The following KNTC1 variants were observed in gnomAD, a reference collection of about 807,000 sequenced individuals.
The protein encoded by KNTC1 is kinetochore-associated protein 1.
KNTC1 carries 253 observed loss-of-function variants against 314.4 expected under a neutral mutation model. The ratio of observed to expected loss-of-function variants is 0.80; its 90% CI spans 0.73 to 0.89. The LOEUF (loss-of-function observed/expected upper bound fraction) is 0.89. KNTC1 is among the 40% of genes least tolerant of loss of function. The pLI is 0.00. For missense variants in KNTC1, 2,475 were observed against 2,572.9 expected (o/e 0.96, Z 0.82); for synonymous variants, 901 against 901.4 (o/e 1.00, Z 0.01).
chr12:122,572,111 G>T (rs953172112), intron 24 of KNTC1, among the ~76,000 whole-genome samples: 4 of 152,210 alleles, frequency 2.6e-5, no homozygotes, highest in African/African-American at 9.6e-5. Flanking sequence ...TTAAATCTTG[G>T]CTGGGCACGA....
rs1289777821 is a variant in KNTC1, at chr12:122,571,216, T to G, written c.2019+90T>G. The G allele has an allele frequency of 1.5e-5, 13 of 886,966 alleles. No homozygotes were observed. The Admixed American group carries it at 3.7e-4, about 25-fold the overall frequency. The allele number at this position is 886,966 out of a possible 1,614,324, so 54.9% of individuals were successfully genotyped here. ...TGTATGTGAAGTATCTGGAAATATA[T>G]CTACTTCTTAAATTTTCTGTTTTTT... On this transcript the variant is annotated intron_variant, in intron 24 of 63. Coordinates refer to ENST00000333479, the MANE Select transcript of KNTC1 (RefSeq NM_014708.6).
intron 59 of KNTC1, among the ~76,000 whole-genome samples, chr12:122,618,929 C>T (rs534218518): frequency 8.7e-4 from 130 of 150,174 alleles, no homozygotes; most frequent in African/African-American, 2.8e-3. Context: ...GCATACGCCA[C>T]GCACCACCAC....
At chr12:122,558,907 A>G (rs1344839322) in intron 18 of KNTC1, among the ~76,000 whole-genome samples, 3 of 152,114 alleles carry the variant, frequency 2.0e-5, no homozygotes, top group African/African-American at 4.8e-5. Context: ...TGCCATTAAT[A>G]GTCATTCCCC....
chr12:122,552,359 AG>A (rs1963260932), intron 16 of KNTC1, among the ~76,000 whole-genome samples: 1 of 152,064 alleles, frequency 6.6e-6, no homozygotes, highest in Non-Finnish European at 1.5e-5. Flanking sequence ...TATGGGCAGC[AG>A]AGTAAAAGAA....
At chr12:122,619,646 T>G (rs976312744) in intron 59 of KNTC1, among the ~76,000 whole-genome samples, 3 of 151,770 alleles carry the variant, frequency 2.0e-5, no homozygotes, top group African/African-American at 7.3e-5. Context: ...TCTCCTGACC[T>G]CATGATCCAC....
Position 122,590,455 on chromosome 12 carries a change from G to A in KNTC1, c.4000-152G>A, listed in dbSNP as rs991893942. 5.9e-5 allele frequency among the ~76,000 whole-genome samples: 9 copies of A among 151,994 alleles called. No homozygotes were observed. In the East Asian group the frequency reaches 1.7e-3, roughly 29 times the overall value. Reference sequence around the variant, plus strand: ...CAATTTAGTGGTAAATAAACCTTGAGACACTGAATTCTGTTTTTTTTTCTT... The same window carrying A: ...CAATTTAGTGGTAAATAAACCTTGAAACACTGAATTCTGTTTTTTTTTCTT... On this transcript the variant is annotated intron_variant, in intron 40 of 63. Coordinates refer to ENST00000333479, the MANE Select transcript of KNTC1 (RefSeq NM_014708.6).
At chr12:122,550,237 C>T (rs1023306749) in intron 13 of KNTC1, among the ~76,000 whole-genome samples, 3 of 151,676 alleles carry the variant, frequency 2.0e-5, no homozygotes, top group Non-Finnish European at 4.4e-5. Context: ...TCTTTTTACA[C>T]ACACACTGTA....
In KNTC1 at chr12:122,573,196, C is replaced by G; in HGVS notation, c.2194C>G (p.Leu732Val). 1 of 1,613,898 alleles carries G rather than the reference C, an allele frequency of 6.2e-7. No individual in the cohort carries two copies. Among genetic ancestry groups the G allele is most frequent in the Non-Finnish European group, 8.5e-7 (1 of 1,179,846 alleles). The change falls in exon 26 of 64, where the codon CTT becomes GTT. Residue 732 changes from leucine (L) to valine (V), a missense_variant. By Grantham distance (32) the Leu-to-Val change is conservative. Coordinates refer to ENST00000333479, the MANE Select transcript of KNTC1 (RefSeq NM_014708.6). ...GTTTGATAAAGTGCTGGCCCCAGAG[C>G]TTATTCCCTCCATCTTAGAGAAGTT... The part of the protein sequence containing the change: ...RMFDKVLAPE[L>V]IPSILEKFIR...
intron 50 of KNTC1, 48 bp from the exon 51 acceptor site, chr12:122,605,258 A>G: frequency 7.9e-7 from 1 of 1,260,968 alleles, no homozygotes. Context: ...TATTCAATAT[A>G]AATATTTAAA....
In KNTC1 at chr12:122,585,788, G is replaced by C. The variant is rs1869189012; in HGVS notation, c.3673+14G>C. ...TGCCTCTAGCTGGTAAGTCTTATTT[G>C]TATCATTATTTTCTATGTGTTTCTG... is the stretch of plus-strand genomic sequence containing the variant. On this transcript the variant is annotated intron_variant, in intron 37 of 63. Transcript: ENST00000333479. 10 of 1,611,678 alleles carry C rather than the reference G, an allele frequency of 6.2e-6. No individual in the cohort carries two copies. The East Asian group carries it at 2.2e-4, about 36-fold the overall frequency.
At chr12:122,616,618 A>G (rs975288877) in intron 57 of KNTC1, among the ~76,000 whole-genome samples, 1 of 152,154 alleles carries the variant, frequency 6.6e-6, no homozygotes, top group Non-Finnish European at 1.5e-5. Context: ...CAGTGTATAT[A>G]TGCATTTTTG....
chr12:122,576,809 T>C, intron 29 of KNTC1, 86 bp from the exon 30 acceptor site: 1 of 1,063,640 alleles, frequency 9.4e-7, no homozygotes, highest in Non-Finnish European at 1.3e-6. Flanking sequence ...ATTTAAATTT[T>C]TTTGCCACTT....
chr12:122,602,524 G>C (rs776058271), intron 45 of KNTC1, 45 bp from the exon 46 acceptor site: 2 of 1,190,834 alleles, frequency 1.7e-6, no homozygotes, highest in Admixed American at 4.5e-5. Context: ...GACAGTTTAG[G>C]ATTGGGTTAC....
Position 122,539,744 on chromosome 12 carries a change from T to C in KNTC1, c.435T>C (p.Gly145=). Residue 145 remains glycine (G), a synonymous_variant, in exon 5 of 64, where the codon GGT becomes GGC. Coordinates refer to ENST00000333479, the MANE Select transcript of KNTC1 (RefSeq NM_014708.6). ...TYQNLVIEKD[G]SNEGTYYMLL... is the part of the protein sequence containing the mutation. Reference sequence around the variant, plus strand: ...AGAATCTTGTCATTGAGAAGGATGGTTCAAATGAAGGTAAGTTTTCCTGAA... The same window carrying C: ...AGAATCTTGTCATTGAGAAGGATGGCTCAAATGAAGGTAAGTTTTCCTGAA... 6.4e-7 allele frequency: 1 copy of C among 1,552,148 alleles called. No homozygotes were observed. Among genetic ancestry groups the C allele is most frequent in the Non-Finnish European group, 8.7e-7 (1 of 1,150,284 alleles).
In KNTC1 at chr12:122,582,956, GA is replaced by G; in HGVS notation, c.3236del (p.Asn1079ThrfsTer6). The G allele has an allele frequency of 6.2e-7, 1 of 1,612,268 alleles. No individual in the cohort carries two copies. The highest frequency in any genetic ancestry group is 8.5e-7 in the Non-Finnish European group (1 of 1,179,142). On this transcript the variant is annotated frameshift_variant, in exon 34 of 64. Transcript: ENST00000333479. LOFTEE classifies it high-confidence loss of function. ...TGACCTTGAGAGCCTTAAAAGATGG[GA>G]ACATCAAAACAGCACTGAAAAAATG... ...ELTLRALKDG[N>X]IKTALKKCSD...
intron 62 of KNTC1, among the ~76,000 whole-genome samples, chr12:122,623,453 C>T (rs1196070049): frequency 6.6e-6 from 1 of 152,160 alleles, no homozygotes. Context: ...ATTACCACTC[C>T]ATGGATTTCC....
rs1184448263 is a variant in KNTC1, at chr12:122,547,389, A to T, written c.817-26A>T. ...AAACTCTGTCTCAAAAAAAAAGGACATGTAAATGAAATGTCTCTATTGCAG... is the reference window on the plus strand; with the variant it reads ...AAACTCTGTCTCAAAAAAAAAGGACTTGTAAATGAAATGTCTCTATTGCAG... On this transcript the variant is annotated intron_variant, in intron 10 of 63. Coordinates refer to ENST00000333479, the MANE Select transcript of KNTC1 (RefSeq NM_014708.6). 2.8e-6 allele frequency: 4 copies of T among 1,421,616 alleles called. No individual in the cohort carries two copies. In the African/African-American group the frequency reaches 5.6e-5, roughly 20 times the overall value. 88.1% of individuals were successfully genotyped at this position (1,421,616 alleles called of 1,614,324 possible).
chr12:122,546,123 G>T (rs1962740867), intron 8 of KNTC1, 53 bp from the exon 9 acceptor site: 1 of 1,017,964 alleles, frequency 9.8e-7, no homozygotes, highest in Non-Finnish European at 1.6e-6. Context: ...TTTGAGGAAG[G>T]CTCAGGTCTA....
chr12:122,594,462 T>C lies in KNTC1; in HGVS notation c.4355+77T>C, dbSNP rs1006273962. On this transcript the variant is annotated intron_variant, in intron 43 of 63. Transcript: ENST00000333479. ...TTTTGCAAGAACACAGTAATAACGA[T>C]GATTATTTTATGAGGTCCATAGACC... 1.8e-5 allele frequency: 15 copies of C among 843,560 alleles called. No homozygotes were observed. In the African/African-American group the frequency reaches 2.4e-4, roughly 13 times the overall value. The allele number at this position is 843,560 out of a possible 1,614,324, so 52.3% of individuals were successfully genotyped here. A position where few individuals can be genotyped will look rare whatever the true frequency, so the allele number is the denominator to read the frequency against.
Sources: allele counts gnomAD v4.1 joint callset (sites outside exome capture counted in the v4.1 genomes callset), GRCh38; gene constraint gnomAD v4.1.1; transcripts MANE v1.5; gene names NCBI Gene and HGNC (gene_info 2026-07-23, HGNC 2026-07-21).